The following KCNMA1 variants were observed in gnomAD, a reference collection of about 807,000 sequenced individuals.
The protein encoded by KCNMA1 is potassium calcium-activated channel subfamily M alpha 1.
A neutral mutation model predicts 140.0 loss-of-function variants in KCNMA1; 29 were observed. That is an observed-to-expected ratio of 0.21 (90% CI 0.15 to 0.28). The LOEUF is 0.28. KCNMA1 is among the 10% of genes least tolerant of loss of function. The probability of loss-of-function intolerance (pLI) is 1.00; values close to 1 mark genes in which losing one functional copy is unlikely to be tolerated. For synonymous variants in KCNMA1, 612 were observed against 611.9 expected (o/e 1.00, Z 0.00); for missense variants, 880 against 1,602.2 (o/e 0.55, Z 7.70).
At chr10:77,443,382 G>A (rs2097452518) in intron 1 of KCNMA1, among the ~76,000 whole-genome samples, 1 of 152,158 alleles carries the variant, frequency 6.6e-6, no homozygotes, top group South Asian at 2.1e-4. Context: ...GAGCATTCAT[G>A]GGTTGTGGTC....
downstream of KCNMA1, chr10:76,884,820 A>G: frequency 9.3e-7 from 1 of 1,070,066 alleles, no homozygotes; most frequent in South Asian, 2.3e-5. Flanking sequence ...GCAAAACAAA[A>G]TAAATAAAAC....
intron 5 of KCNMA1, among the ~76,000 whole-genome samples, chr10:77,137,062 T>G (rs2098055296): frequency 6.6e-6 from 1 of 152,104 alleles, no homozygotes; most frequent in Admixed American, 6.5e-5. Flanking sequence ...TTGAACTCCC[T>G]TCTCAGATAA....
rs1448853509 is a variant in KCNMA1, at chr10:77,382,978, GTGTGTGTGTGTGTGTGTATATA to G, written c.540+20862_540+20883del. Among the ~76,000 whole-genome samples, 238 of 70,934 alleles carry G rather than the reference GTGTGTGTGTGTGTGTGTATATA, an allele frequency of 3.4e-3. 2 individuals carry two copies. Among genetic ancestry groups the G allele is most frequent in the African/African-American group, 0.019 (204 of 10,578 alleles). The allele number at this position is 70,934 out of a possible 152,430, so 46.5% of individuals were successfully genotyped here. On this transcript the variant is annotated intron_variant, in intron 2 of 27. Coordinates refer to ENST00000286628, the MANE Select transcript of KCNMA1 (RefSeq NM_001161352.2). The stretch of plus-strand genomic sequence containing the variant: ...TATATACGTGTGTGTGTGTGTGTGT[GTGTGTGTGTGTGTGTGTATATA>G]TATATATATATATATATATATATAT...
chr10:77,176,918 G>T (rs573346413), intron 5 of KCNMA1, among the ~76,000 whole-genome samples: 1 of 152,280 alleles, frequency 6.6e-6, no homozygotes, highest in Non-Finnish European at 1.5e-5. Context: ...GGAGTATCCA[G>T]GTGGGCCCAA....
At chr10:77,310,407 CACATCTA>C (rs2078975780) in intron 2 of KCNMA1, among the ~76,000 whole-genome samples, 2 of 152,190 alleles carry the variant, frequency 1.3e-5, no homozygotes, top group South Asian at 4.1e-4. Flanking sequence ...AGCCACACCA[CACATCTA>C]ACAAGCATTC....
At chr10:77,520,602 C>T (rs1309219314) in intron 1 of KCNMA1, among the ~76,000 whole-genome samples, 1 of 152,004 alleles carries the variant, frequency 6.6e-6, no homozygotes, top group Non-Finnish European at 1.5e-5. Context: ...CCACACCAAT[C>T]CAGGAATTGA....
chr10:77,302,782 G>A (rs1367409746), intron 2 of KCNMA1, among the ~76,000 whole-genome samples: 4 of 152,108 alleles, frequency 2.6e-5, no homozygotes, highest in Non-Finnish European at 5.9e-5. Flanking sequence ...AGGCAACAGT[G>A]TAAAAACCAA....
At chr10:77,596,037 A>G (rs775767574) in intron 1 of KCNMA1, among the ~76,000 whole-genome samples, 3 of 152,224 alleles carry the variant, frequency 2.0e-5, no homozygotes, top group Non-Finnish European at 4.4e-5. Flanking sequence ...CTAATAAGCC[A>G]CTAGAAAAAA....
intron 22 of KCNMA1, among the ~76,000 whole-genome samples, chr10:76,945,757 GA>G (rs535176669): frequency 3.4e-5 from 5 of 145,632 alleles, no homozygotes; most frequent in Admixed American, 6.8e-5. Context: ...AGGGGGAAGT[GA>G]AAAAAAAAGT....
intron 1 of KCNMA1, among the ~76,000 whole-genome samples, chr10:77,472,449 ACAT>A (rs1362649291): frequency 6.7e-6 from 1 of 148,658 alleles, no homozygotes; most frequent in East Asian, 2.0e-4. Context: ...CGTCACACAC[ACAT>A]CACACACACA....
At chr10:77,222,060 G>A (rs2049881819) in intron 3 of KCNMA1, among the ~76,000 whole-genome samples, 3 of 152,124 alleles carry the variant, frequency 2.0e-5, no homozygotes, top group Admixed American at 6.5e-5. Flanking sequence ...ATACGAGAAA[G>A]CACAAAGCAT....
chr10:77,100,679 A>C (rs2153824253), intron 9 of KCNMA1, among the ~76,000 whole-genome samples: 1 of 152,354 alleles, frequency 6.6e-6, no homozygotes, highest in African/African-American at 2.4e-5. Context: ...AGCTCTGGAA[A>C]GAAGTCCAGC....
intron 3 of KCNMA1, among the ~76,000 whole-genome samples, chr10:77,221,621 C>T (rs952284093): frequency 3.3e-5 from 5 of 152,112 alleles, no homozygotes; most frequent in African/African-American, 9.7e-5. Flanking sequence ...ATAATAAGTG[C>T]CTGTATCAAA....
chr10:77,241,515 G>A (rs1238291706), intron 3 of KCNMA1, among the ~76,000 whole-genome samples: 1 of 151,960 alleles, frequency 6.6e-6, no homozygotes, highest in Admixed American at 6.6e-5. Context: ...GGGCATGATG[G>A]TGCCCAGCTG....
intron 3 of KCNMA1, among the ~76,000 whole-genome samples, chr10:77,218,288 A>G (rs17483623): frequency 0.16 from 24,144 of 152,032 alleles, 2,385 homozygotes; most frequent in Non-Finnish European, 0.21. Flanking sequence ...CATACAGGCC[A>G]TTTAAACCAT....
chr10:77,108,458 G>T lies in KCNMA1; in HGVS notation c.1223+23C>A. On this transcript the variant is annotated intron_variant, in intron 9 of 27. Coordinates refer to ENST00000286628, the MANE Select transcript of KCNMA1 (RefSeq NM_001161352.2). The surrounding 1 kb of genome is among the most constrained non-coding windows in gnomAD (Gnocchi z 4.6). ...AGAGGATTCTACCGCAGCAGAGGCA[G>T]CAAAACCTCTTGGCATACTTACTTT... 6.2e-7 allele frequency: 1 copy of T among 1,605,534 alleles called. No homozygotes were observed. Among genetic ancestry groups the T allele is most frequent in the Non-Finnish European group, 8.5e-7 (1 of 1,173,180 alleles).
At chr10:77,336,778 A>C (rs1046593966) in intron 2 of KCNMA1, among the ~76,000 whole-genome samples, 2 of 152,226 alleles carry the variant, frequency 1.3e-5, no homozygotes, top group African/African-American at 4.8e-5. Context: ...ACTCATCCTC[A>C]AAGAACTAAG....
At position 76,885,761 on chromosome 10, in the gene KCNMA1, T is replaced by C; in HGVS notation, c.*1505A>G. On this transcript the variant is annotated 3_prime_UTR_variant, in exon 28 of 28. Transcript: ENST00000286628. ...CGCACTGCCTAAAGCATGATTTGCA[T>C]GCACAAAGCATCTGACAACTATATG... The C allele has an allele frequency of 1.0e-6, 1 of 985,324 alleles. No homozygotes were observed. Among genetic ancestry groups the C allele is most frequent in the Non-Finnish European group, 1.2e-6 (1 of 829,844 alleles). 61.0% of individuals were successfully genotyped at this position (985,324 alleles called of 1,614,324 possible). A position where few individuals can be genotyped will look rare whatever the true frequency, so the allele number is the denominator to read the frequency against.
chr10:77,322,610 C>T (rs1049198039), intron 2 of KCNMA1, among the ~76,000 whole-genome samples: 49 of 152,082 alleles, frequency 3.2e-4, no homozygotes, highest in African/African-American at 1.1e-3. Flanking sequence ...TGGTAAGAGC[C>T]CTACTCCTTA....
Sources: allele counts gnomAD v4.1 joint callset (sites outside exome capture counted in the v4.1 genomes callset), GRCh38; gene constraint gnomAD v4.1.1; non-coding constraint Gnocchi (gnomAD v3.1); transcripts MANE v1.5; gene names NCBI Gene and HGNC (gene_info 2026-07-23, HGNC 2026-07-21).